The following GRM3 variants were observed in gnomAD, a reference collection of about 807,000 sequenced individuals.
GRM3 encodes glutamate metabotropic receptor 3, also known as metabotropic glutamate receptor 3.
Under a neutral mutation model 70.5 loss-of-function variants are expected in GRM3, and 26 were observed. The ratio of observed to expected loss-of-function variants is 0.37; its 90% CI spans 0.27 to 0.51. The LOEUF (loss-of-function observed/expected upper bound fraction) is 0.51, where lower values mean the gene tolerates loss of function less well. GRM3 is among the 20% of genes least tolerant of loss of function. GRM3 has a pLI of 0.93. For synonymous variants in GRM3, 443 were observed against 434.9 expected, an observed-to-expected ratio of 1.02 and a Z score of -0.23; for missense variants, 859 against 1,123.8, an observed-to-expected ratio of 0.76 and a Z score of 3.37.
chr7:86,783,359 A>G (rs1322379100), intron 2 of GRM3, among the ~76,000 whole-genome samples: 1 of 152,162 alleles, frequency 6.6e-6, no homozygotes, highest in African/African-American at 2.4e-5. Context: ...AAGTCAAAAC[A>G]CCTGGTTTTA....
intron 2 of GRM3, chr7:86,775,359 CATTT>C (rs1796859036): frequency 6.6e-6 from 1 of 151,964 alleles, no homozygotes; most frequent in African/African-American, 2.4e-5. Flanking sequence ...AAGTAGGCTC[CATTT>C]GTTTTAAAGC....
chr7:86,760,866 A>C (rs1181651995), intron 1 of GRM3, among the ~76,000 whole-genome samples: 2 of 152,114 alleles, frequency 1.3e-5, no homozygotes, highest in Admixed American at 1.3e-4. Context: ...GCTAAAAGGA[A>C]AAAATATTTT....
chr7:86,772,970 A>T (rs1212034336), intron 2 of GRM3, among the ~76,000 whole-genome samples: 1 of 151,898 alleles, frequency 6.6e-6, no homozygotes, highest in African/African-American at 2.4e-5. Flanking sequence ...CTCTTTACTC[A>T]TGTCTAAAAC....
At chr7:86,740,609 A>G (rs978426263) in intron 1 of GRM3, among the ~76,000 whole-genome samples, 1 of 152,224 alleles carries the variant, frequency 6.6e-6, no homozygotes, top group Non-Finnish European at 1.5e-5. Flanking sequence ...TTAAAAATCC[A>G]TAAGAAATTC....
chr7:86,799,261 G>A (rs1388835077), intron 3 of GRM3, among the ~76,000 whole-genome samples: 4 of 152,152 alleles, frequency 2.6e-5, no homozygotes, highest in African/African-American at 7.2e-5. Flanking sequence ...GAGCTGAGAC[G>A]ATGAGGTTTT....
intron 3 of GRM3, among the ~76,000 whole-genome samples, chr7:86,812,756 T>C (rs1196151219): frequency 1.3e-5 from 2 of 151,826 alleles, no homozygotes; most frequent in Non-Finnish European, 2.9e-5. Context: ...AATATTCTCA[T>C]TTTACCACTT....
At chr7:86,793,039 T>TTG (rs1797460189) in intron 3 of GRM3, among the ~76,000 whole-genome samples, 6 of 120,052 alleles carry the variant, frequency 5.0e-5, no homozygotes, top group Admixed American at 5.0e-4. Flanking sequence ...TTTTTTTTTT[T>TTG]GCTACCAGTG....
intron 3 of GRM3, among the ~76,000 whole-genome samples, chr7:86,821,985 A>G (rs1375661596): frequency 6.6e-6 from 1 of 151,660 alleles, no homozygotes; most frequent in Non-Finnish European, 1.5e-5. Flanking sequence ...AACATTGTTC[A>G]AAGAAGTGAA....
In GRM3 at chr7:86,645,888, G is replaced by C. The variant is rs145303893; in HGVS notation, c.-141+1016G>C. Among the ~76,000 whole-genome samples, 15 of 151,196 alleles carry C rather than the reference G, an allele frequency of 9.9e-5. No homozygotes were observed. In the East Asian group the frequency reaches 2.7e-3, roughly 28 times the overall value. ...TTGAGGTTAATGTGAGTTGAGGTAG[G>C]TGTGAGTTAAGTACCAACAATAGTT... On this transcript the variant is annotated intron_variant, in intron 1 of 5. Coordinates refer to ENST00000361669, the MANE Select transcript of GRM3 (RefSeq NM_000840.3).
intron 1 of GRM3, among the ~76,000 whole-genome samples, chr7:86,682,616 A>G (rs939361509): frequency 1.7e-4 from 26 of 152,188 alleles, no homozygotes; most frequent in Non-Finnish European, 8.8e-5. Flanking sequence ...GAAGTAGAAA[A>G]TCATCCAGCA....
chr7:86,864,102 G>A (rs1361525831), intron 5 of GRM3, among the ~76,000 whole-genome samples, 180 bp from the exon 6 acceptor site: 3 of 151,912 alleles, frequency 2.0e-5, no homozygotes, highest in Non-Finnish European at 2.9e-5. Context: ...GGTGATGTGT[G>A]AGATTTTGGT....
intron 3 of GRM3, among the ~76,000 whole-genome samples, chr7:86,792,273 A>G (rs1275301468): frequency 6.6e-6 from 1 of 152,166 alleles, no homozygotes; most frequent in Non-Finnish European, 1.5e-5. Context: ...CAGAGGTGAA[A>G]ATTCAGGATG....
At chr7:86,659,537 G>A (rs802445) in intron 1 of GRM3, among the ~76,000 whole-genome samples, 1 of 151,930 alleles carries the variant, frequency 6.6e-6, no homozygotes, top group East Asian at 1.9e-4. Flanking sequence ...GCTTCTCTCA[G>A]GAAAGCATCC....
intron 1 of GRM3, among the ~76,000 whole-genome samples, chr7:86,673,757 G>A (rs535061453): frequency 6.6e-6 from 1 of 151,836 alleles, no homozygotes; most frequent in African/African-American, 2.4e-5. Flanking sequence ...TCTCTAATAC[G>A]CTCCTCCTTT....
chr7:86,839,696 C>T lies in GRM3; in HGVS notation c.2182C>T (p.Leu728=). 1 of 1,614,018 alleles carries T rather than the reference C, an allele frequency of 6.2e-7. No homozygotes were observed. Among genetic ancestry groups the T allele is most frequent in the Non-Finnish European group, 8.5e-7 (1 of 1,179,932 alleles). The part of the protein sequence containing the change: ...TLAEKRETVI[L]KCNVKDSSML... ...TGCAGAGAAGCGGGAAACAGTCATC[C>T]TAAAATGCAATGTCAAAGATTCCAG... Residue 728 remains leucine, a synonymous_variant, in exon 4 of 6, where the codon CTA becomes TTA. Coordinates refer to ENST00000361669, the MANE Select transcript of GRM3 (RefSeq NM_000840.3). This position sits in a 1 kb window ranked among gnomAD's most constrained non-coding sequence, Gnocchi z 4.5.
rs917480462 is a variant in GRM3, at chr7:86,850,542, A to G, written c.2564A>G (p.Gln855Arg). ...SVSGTGTTYS[Q>R]SSASTYVPTV... Reference sequence around the variant, plus strand: ...AGTGGAACTGGGACCACATACTCTCAGTGTAAGTATGGAACTCAGCACTAA... The same window carrying G: ...AGTGGAACTGGGACCACATACTCTCGGTGTAAGTATGGAACTCAGCACTAA... The change falls in exon 5 of 6, where the codon CAG becomes CGG. Residue 855 changes from glutamine (Q) to arginine (R), a missense_variant and splice_region_variant. Physicochemically the swap from Gln to Arg is conservative, Grantham distance 43. Transcript: ENST00000361669. 5.0e-6 allele frequency: 8 copies of G among 1,599,878 alleles called. No individual in the cohort carries two copies. Among genetic ancestry groups the G allele is most frequent in the Non-Finnish European group, 6.9e-6 (8 of 1,167,454 alleles).
chr7:86,752,074 T>C (rs1310007904), intron 1 of GRM3, among the ~76,000 whole-genome samples: 2 of 152,106 alleles, frequency 1.3e-5, no homozygotes, highest in Middle Eastern at 3.2e-3. Context: ...TTTATGACTT[T>C]TCACAAACTG....
At chr7:86,682,978 A>G (rs933723199) in intron 1 of GRM3, among the ~76,000 whole-genome samples, 2 of 152,200 alleles carry the variant, frequency 1.3e-5, no homozygotes, top group African/African-American at 2.4e-5. Context: ...AAGAATTAAG[A>G]GCCAAGATAT....
chr7:86,644,038 G>C lies in GRM3; in HGVS notation c.-975G>C, dbSNP rs944410382. On this transcript the variant is annotated 5_prime_UTR_variant, in exon 1 of 6. Transcript: ENST00000361669. Reference sequence around the variant, plus strand: ...TCAGCCCCCTGCCCAGGGACCACAGGAGAGTTCTTGTAAGGACTGTTAGTC... The same window carrying C: ...TCAGCCCCCTGCCCAGGGACCACAGCAGAGTTCTTGTAAGGACTGTTAGTC... 1 of 153,024 alleles carries C rather than the reference G, an allele frequency of 6.5e-6. No individual in the cohort carries two copies. Among genetic ancestry groups the C allele is most frequent in the Non-Finnish European group, 1.5e-5 (1 of 68,772 alleles). 9.5% of individuals were successfully genotyped at this position (153,024 alleles called of 1,614,324 possible).
Sources: allele counts gnomAD v4.1 joint callset (sites outside exome capture counted in the v4.1 genomes callset), GRCh38; gene constraint gnomAD v4.1.1; non-coding constraint Gnocchi (gnomAD v3.1); transcripts MANE v1.5; gene names NCBI Gene and HGNC (gene_info 2026-07-23, HGNC 2026-07-21).